The following TENM4 variants were observed in gnomAD, a reference collection of about 807,000 sequenced individuals.
TENM4 encodes the protein teneurin transmembrane protein 4.
In TENM4, 82 loss-of-function variants were observed where a neutral mutation model predicts 243.3. The observed-to-expected ratio is 0.34, with a 90% CI of 0.28 to 0.40. The LOEUF is 0.40. Ranked by LOEUF, TENM4 falls within the 10% of genes least tolerant of loss-of-function variation. The pLI is 1.00. For missense variants in TENM4, 3,138 were observed against 3,673.3 expected, an observed-to-expected ratio of 0.85 and a Z score of 3.77; for synonymous variants, 1,412 against 1,456.3, an observed-to-expected ratio of 0.97 and a Z score of 0.69.
chr11:79,413,850 A>G (rs1234036782), intron 1 of TENM4, among the ~76,000 whole-genome samples: 1 of 152,198 alleles, frequency 6.6e-6, no homozygotes, highest in Non-Finnish European at 1.5e-5. Flanking sequence ...GTATGTAAAA[A>G]AGAATCATGT....
chr11:79,262,729 C>G (rs974289317), intron 2 of TENM4, among the ~76,000 whole-genome samples: 1 of 152,186 alleles, frequency 6.6e-6, no homozygotes, highest in Non-Finnish European at 1.5e-5. Context: ...AGAGTCAAAT[C>G]CCGGCTAAGC....
intron 1 of TENM4, among the ~76,000 whole-genome samples, chr11:79,301,491 C>A (rs1241461604): frequency 6.6e-6 from 1 of 152,210 alleles, no homozygotes; most frequent in East Asian, 1.9e-4. Context: ...GCCCTGAACC[C>A]CTAAGTTAAA....
At chr11:79,185,208 G>A (rs915758603) in intron 3 of TENM4, among the ~76,000 whole-genome samples, 1 of 152,024 alleles carries the variant, frequency 6.6e-6, no homozygotes, top group African/African-American at 2.4e-5. Flanking sequence ...TGAGGTGGGG[G>A]GATTGTTTGA....
At chr11:79,082,063 C>T (rs764455777) in intron 4 of TENM4, among the ~76,000 whole-genome samples, 67 of 152,146 alleles carry the variant, frequency 4.4e-4, no homozygotes, top group Non-Finnish European at 4.1e-4. Context: ...TATAACATCT[C>T]GATTCTTCCC....
intron 4 of TENM4, among the ~76,000 whole-genome samples, chr11:79,070,286 AG>A (rs1007709469): frequency 1.3e-5 from 2 of 151,886 alleles, no homozygotes; most frequent in African/African-American, 4.8e-5. Flanking sequence ...CAAAGGCCAA[AG>A]GGCACTGGTG....
chr11:78,977,105 C>A (rs532676981), intron 6 of TENM4, among the ~76,000 whole-genome samples: 1 of 152,200 alleles, frequency 6.6e-6, no homozygotes, highest in Non-Finnish European at 1.5e-5. Context: ...CTCTTCCTAG[C>A]GCTAGTGGGT....
At chr11:78,668,216 CT>C (rs1858209917) in intron 32 of TENM4, among the ~76,000 whole-genome samples, 1 of 152,016 alleles carries the variant, frequency 6.6e-6, no homozygotes, top group African/African-American at 2.4e-5. Flanking sequence ...TTTTCCTGCC[CT>C]CTTTGGATTA....
chr11:78,954,850 G>T (rs575004746), intron 6 of TENM4, among the ~76,000 whole-genome samples: 2 of 152,240 alleles, frequency 1.3e-5, no homozygotes, highest in African/African-American at 4.8e-5. Flanking sequence ...AATATGGTTT[G>T]GGAAATGCTG....
chr11:79,185,001 TA>T (rs1238610644), intron 3 of TENM4, among the ~76,000 whole-genome samples: 1 of 152,102 alleles, frequency 6.6e-6, no homozygotes, highest in Non-Finnish European at 1.5e-5. Flanking sequence ...CTTTGAAACA[TA>T]AAAAAGAAAT....
intron 12 of TENM4, among the ~76,000 whole-genome samples, chr11:78,833,657 TA>T (rs1276478588): frequency 2.0e-5 from 3 of 152,196 alleles, no homozygotes; most frequent in Non-Finnish European, 4.4e-5. Flanking sequence ...CCTTCTTTAT[TA>T]AACCTTTTGC....
At chr11:78,927,711 T>C (rs1406942821) in intron 6 of TENM4, among the ~76,000 whole-genome samples, 3 of 152,106 alleles carry the variant, frequency 2.0e-5, no homozygotes, top group Non-Finnish European at 2.9e-5. Flanking sequence ...CCAGAAGATG[T>C]GTGTAAAATT....
At chr11:79,133,239 T>C (rs1862046246) in intron 4 of TENM4, among the ~76,000 whole-genome samples, 1 of 152,088 alleles carries the variant, frequency 6.6e-6, no homozygotes, top group Non-Finnish European at 1.5e-5. Flanking sequence ...GCACTTAAAC[T>C]AGAAAACCTA....
chr11:79,225,849 T>G (rs1198033690), intron 2 of TENM4, among the ~76,000 whole-genome samples: 1 of 152,182 alleles, frequency 6.6e-6, no homozygotes, highest in Non-Finnish European at 1.5e-5. Context: ...AGAATCCTAA[T>G]GAACATTTTT....
At chr11:79,014,570 C>G (rs1270068570) in intron 6 of TENM4, 1 of 152,206 alleles carries the variant, frequency 6.6e-6, no homozygotes, top group Non-Finnish European at 1.5e-5. Flanking sequence ...GCACAAAATA[C>G]CTTTGCACTT....
At chr11:79,414,161 C>T (rs1035566300) in intron 1 of TENM4, among the ~76,000 whole-genome samples, 5 of 45,558 alleles carry the variant, frequency 1.1e-4, no homozygotes, top group African/African-American at 3.9e-4. Flanking sequence ...CATGTGTACA[C>T]ACACACACAC....
intron 18 of TENM4, among the ~76,000 whole-genome samples, chr11:78,762,841 T>C (rs1856458771): frequency 6.6e-6 from 1 of 152,178 alleles, no homozygotes; most frequent in Admixed American, 6.5e-5. Flanking sequence ...AATTTAATTT[T>C]CTTAGGCATA....
chr11:79,415,582 T>C (rs1858795445), intron 1 of TENM4, among the ~76,000 whole-genome samples: 1 of 152,202 alleles, frequency 6.6e-6, no homozygotes. Flanking sequence ...TTAAGTAGCT[T>C]GCCCAAGGTG....
intron 4 of TENM4, among the ~76,000 whole-genome samples, chr11:79,100,610 C>G (rs548482724): frequency 6.6e-6 from 1 of 152,072 alleles, no homozygotes. Flanking sequence ...GTACCTATGG[C>G]GCTGCTTGGC....
At chr11:78,921,950 A>G (rs1040729857) in intron 6 of TENM4, among the ~76,000 whole-genome samples, 1 of 152,170 alleles carries the variant, frequency 6.6e-6, no homozygotes, top group Admixed American at 6.5e-5. Context: ...CTCTACCATC[A>G]AGGCACTGAG....
Sources: gnomAD v4.1 joint callset for allele counts (sites outside exome capture counted in the v4.1 genomes callset) on GRCh38, gnomAD v4.1.1 for gene constraint, MANE v1.5 for transcripts, NCBI Gene and HGNC (gene_info 2026-07-23, HGNC 2026-07-21) for gene names.